The following CDKAL1 variants were observed in gnomAD, a reference collection of about 807,000 sequenced individuals.
The protein encoded by CDKAL1 is threonylcarbamoyladenosine tRNA methylthiotransferase.
In CDKAL1, 32 loss-of-function variants were observed where a neutral mutation model predicts 68.2. The ratio of observed to expected loss-of-function variants is 0.47; its 90% confidence interval spans 0.35 to 0.63. The LOEUF is 0.63. Among genes scored for constraint, CDKAL1 ranks in the 30% least tolerant of loss-of-function variants. The probability of loss-of-function intolerance (pLI) is 0.00; values close to 1 mark genes in which losing one functional copy is unlikely to be tolerated. For missense variants in CDKAL1, 606 were observed against 696.7 expected, an observed-to-expected ratio of 0.87 and a Z score of 1.47; for synonymous variants, 234 against 244.3, an observed-to-expected ratio of 0.96 and a Z score of 0.39.
intron 15 of CDKAL1, among the ~76,000 whole-genome samples, chr6:21,221,482 C>T (rs1049692039): frequency 6.6e-6 from 1 of 152,154 alleles, no homozygotes; most frequent in Non-Finnish European, 1.5e-5. Context: ...CCCACCTTGG[C>T]CTCCCAAAAT....
chr6:20,972,216 T>TC (rs1765635283), intron 10 of CDKAL1, among the ~76,000 whole-genome samples: 1 of 152,168 alleles, frequency 6.6e-6, no homozygotes, highest in South Asian at 2.1e-4. Flanking sequence ...TATCACAAGA[T>TC]CTCTCTATTG....
At chr6:20,913,707 G>A (rs1762582091) in intron 9 of CDKAL1, among the ~76,000 whole-genome samples, 1 of 152,202 alleles carries the variant, frequency 6.6e-6, no homozygotes, top group South Asian at 2.1e-4. Flanking sequence ...GTTTGTGTTG[G>A]TGATGGCTTA....
intron 9 of CDKAL1, among the ~76,000 whole-genome samples, chr6:20,938,570 A>G (rs1047888669): frequency 2.0e-5 from 3 of 152,146 alleles, no homozygotes; most frequent in African/African-American, 4.8e-5. Flanking sequence ...TTAAAATGAA[A>G]TAATATTTTT....
chr6:21,084,013 G>A (rs151171368), intron 12 of CDKAL1, among the ~76,000 whole-genome samples: 32 of 152,308 alleles, frequency 2.1e-4, no homozygotes, highest in African/African-American at 6.3e-4. Flanking sequence ...TAGCTGGTTT[G>A]TCTAGTTTCT....
intron 4 of CDKAL1, among the ~76,000 whole-genome samples, chr6:20,596,364 C>T (rs886617561): frequency 3.3e-5 from 5 of 152,200 alleles, no homozygotes; most frequent in African/African-American, 4.8e-5. Flanking sequence ...CCCTCCCCAG[C>T]GAGGAGGAAT....
At chr6:21,092,307 T>C (rs184580214) in intron 12 of CDKAL1, among the ~76,000 whole-genome samples, 265 of 151,684 alleles carry the variant, frequency 1.7e-3, no homozygotes, top group Admixed American at 2.8e-3. Context: ...TGCAGGTTTG[T>C]TACATAGGTA....
intron 4 of CDKAL1, among the ~76,000 whole-genome samples, chr6:20,555,495 A>AT (rs1252892385): frequency 1.4e-5 from 2 of 148,118 alleles, no homozygotes; most frequent in Non-Finnish European, 3.0e-5. Flanking sequence ...TAATTTTTGA[A>AT]TTTTTAGTGG....
chr6:20,930,338 G>A (rs1240239955), intron 9 of CDKAL1, among the ~76,000 whole-genome samples: 1 of 151,372 alleles, frequency 6.6e-6, no homozygotes, highest in East Asian at 1.9e-4. Context: ...GTTTTTTAAA[G>A]CCCTGCCAAG....
At chr6:20,554,392 G>A (rs1461176746) in intron 4 of CDKAL1, among the ~76,000 whole-genome samples, 3 of 152,092 alleles carry the variant, frequency 2.0e-5, no homozygotes, top group African/African-American at 7.2e-5. Flanking sequence ...TATTGTTTTT[G>A]GATTATTTCT....
chr6:21,069,430 CTG>C (rs951378959), intron 12 of CDKAL1, among the ~76,000 whole-genome samples: 5 of 152,110 alleles, frequency 3.3e-5, no homozygotes, highest in Non-Finnish European at 7.4e-5. Context: ...TTCTAAGTCT[CTG>C]TTAATATTAT....
intron 4 of CDKAL1, among the ~76,000 whole-genome samples, chr6:20,578,635 T>C (rs1459620874): frequency 3.3e-5 from 5 of 152,220 alleles, no homozygotes; most frequent in African/African-American, 1.2e-4. Flanking sequence ...AACTCACATA[T>C]ATTGAGTGCC....
At chr6:21,032,207 G>GCTCTATA (rs1769332164) in intron 11 of CDKAL1, among the ~76,000 whole-genome samples, 4 of 152,098 alleles carry the variant, frequency 2.6e-5, no homozygotes, top group African/African-American at 9.7e-5. Context: ...TGGGATTGGG[G>GCTCTATA]TGTCTGCGAG....
intron 13 of CDKAL1, among the ~76,000 whole-genome samples, chr6:21,121,578 G>A (rs1774717097): frequency 6.6e-6 from 1 of 152,208 alleles, no homozygotes; most frequent in Admixed American, 6.5e-5. Flanking sequence ...TAAATGGGAA[G>A]CATCTAGAAT....
At chr6:21,007,295 T>A (rs1767777348) in intron 11 of CDKAL1, among the ~76,000 whole-genome samples, 1 of 151,610 alleles carries the variant, frequency 6.6e-6, no homozygotes, top group Admixed American at 6.6e-5. Context: ...CCAGGTGTGG[T>A]GGCACTCGCC....
chr6:21,200,138 G>A (rs754537209), intron 14 of CDKAL1, among the ~76,000 whole-genome samples: 16 of 152,318 alleles, frequency 1.1e-4, no homozygotes, highest in Non-Finnish European at 2.1e-4. Context: ...CTGGCAAGTC[G>A]CTGCAGTGCT....
At chr6:20,949,990 G>A (rs9350306) in intron 9 of CDKAL1, among the ~76,000 whole-genome samples, 19 of 152,064 alleles carry the variant, frequency 1.2e-4, no homozygotes, top group East Asian at 3.9e-4. Flanking sequence ...AGGTTTCACC[G>A]TGTTGGCCAG....
intron 10 of CDKAL1, among the ~76,000 whole-genome samples, chr6:20,960,385 A>G (rs956471754): frequency 6.6e-6 from 1 of 152,190 alleles, no homozygotes; most frequent in Non-Finnish European, 1.5e-5. Context: ...AATCTATTCT[A>G]ATTCGCAAAT....
intron 15 of CDKAL1, among the ~76,000 whole-genome samples, chr6:21,221,099 G>A (rs969868644): frequency 6.6e-5 from 10 of 151,956 alleles, no homozygotes; most frequent in African/African-American, 2.2e-4. Flanking sequence ...CCCGGGAGGC[G>A]GAGGTTGCAG....
At chr6:20,890,108 T>C (rs1369103110) in intron 9 of CDKAL1, among the ~76,000 whole-genome samples, 4 of 152,092 alleles carry the variant, frequency 2.6e-5, no homozygotes, top group Non-Finnish European at 4.4e-5. Context: ...GTTAATGATA[T>C]GAAAGAAAAA....
Sources: allele counts gnomAD v4.1 joint callset (sites outside exome capture counted in the v4.1 genomes callset), GRCh38; gene constraint gnomAD v4.1.1; transcripts MANE v1.5; gene names NCBI Gene and HGNC (gene_info 2026-07-23, HGNC 2026-07-21).